The following POMP variants were observed in gnomAD, a reference collection of about 807,000 sequenced individuals.
POMP encodes proteasome maturation protein.
Under a neutral mutation model 20.6 loss-of-function variants are expected in POMP, and 12 were observed. That is an observed-to-expected ratio of 0.58 (90% confidence interval 0.37 to 0.94). The LOEUF (loss-of-function observed/expected upper bound fraction) is 0.94. POMP is among the 40% of genes least tolerant of loss of function. The pLI is 0.01. For missense variants in POMP, 136 were observed against 161.1 expected (o/e 0.84, Z 0.84); for synonymous variants, 53 against 55.0 (o/e 0.96, Z 0.16).
Position 28,678,367 on chromosome 13 carries a change from AAAT to A in POMP, c.*266_*268del. On this transcript the variant is annotated 3_prime_UTR_variant, in exon 6 of 6. Coordinates refer to ENST00000380842, the MANE Select transcript of POMP (RefSeq NM_015932.6). ...AAAGTTGTTGCTCATGAATATTATAAAATGATCTACAGGTTTCAATTCAACCTG... is the reference window on the plus strand; with the variant it reads ...AAAGTTGTTGCTCATGAATATTATAAGATCTACAGGTTTCAATTCAACCTG... 1 of 417,462 alleles carries A rather than the reference AAAT, an allele frequency of 2.4e-6. No individual in the cohort carries two copies. The highest frequency in any genetic ancestry group is 2.8e-5 in the South Asian group (1 of 36,102). The allele number at this position is 417,462 out of a possible 1,614,324, so 25.9% of individuals were successfully genotyped here. A position where few individuals can be genotyped will look rare whatever the true frequency, so the allele number is the denominator to read the frequency against.
chr13:28,663,747 A>G (rs1884390530), intron 2 of POMP, among the ~76,000 whole-genome samples: 1 of 152,234 alleles, frequency 6.6e-6, no homozygotes, highest in South Asian at 2.1e-4. Context: ...ATAATTTGAT[A>G]TTTATAATCA....
chr13:28,662,183 G>A (rs1593171536), intron 1 of POMP, among the ~76,000 whole-genome samples: 2 of 152,092 alleles, frequency 1.3e-5, no homozygotes, highest in East Asian at 3.9e-4. Flanking sequence ...ACAGCATTCA[G>A]AGATCACCTC....
intron 4 of POMP, among the ~76,000 whole-genome samples, chr13:28,669,925 G>A (rs560231003): frequency 6.6e-6 from 1 of 152,106 alleles, no homozygotes; most frequent in East Asian, 1.9e-4. Context: ...GGGCAACATG[G>A]CAAAACCCCA....
intron 4 of POMP, among the ~76,000 whole-genome samples, chr13:28,669,096 G>T (rs1884496983): frequency 6.6e-6 from 1 of 151,836 alleles, no homozygotes; most frequent in Non-Finnish European, 1.5e-5. Flanking sequence ...TTGAACCGCT[G>T]TTGTCTTTTA....
chr13:28,670,876 G>C (rs960887234), intron 4 of POMP, among the ~76,000 whole-genome samples: 1 of 151,968 alleles, frequency 6.6e-6, no homozygotes, highest in Non-Finnish European at 1.5e-5. Flanking sequence ...GTGAAACCCC[G>C]TCTCTACTAA....
rs770153653 is a variant in POMP, at chr13:28,662,500, C to T, written c.94C>T (p.Arg32Trp). The T allele has an allele frequency of 2.5e-6, 4 of 1,608,346 alleles. No homozygotes were observed. The highest frequency in any genetic ancestry group is 2.2e-5 in the East Asian group (1 of 44,828). The change falls in exon 2 of 6, where the codon CGG (arginine) becomes TGG (tryptophan). Residue 32 changes from arginine to tryptophan, a missense_variant. Transcript: ENST00000380842. Reference protein sequence around the residue: ...SGPFESHDLLRKGFSCVKNEL... With the variant: ...SGPFESHDLLWKGFSCVKNEL... ...ACCTTTTGAAAGTCATGATCTTCTTCGGAAAGGGTATATGGGGGAGTTATG... is the reference window on the plus strand; with the variant it reads ...ACCTTTTGAAAGTCATGATCTTCTTTGGAAAGGGTATATGGGGGAGTTATG...
At chr13:28,660,599 A>C (rs1884320517) in intron 1 of POMP, among the ~76,000 whole-genome samples, 1 of 152,184 alleles carries the variant, frequency 6.6e-6, no homozygotes, top group African/African-American at 2.4e-5. Flanking sequence ...TCCTGGTAGG[A>C]GTTCAGCTCC....
rs189587934 is a variant in POMP at position 28,668,598 on chromosome 13, A to G, written c.264+24A>G. 49 of 1,470,598 alleles carry G rather than the reference A, an allele frequency of 3.3e-5. No homozygotes were observed. The African/African-American group carries it at 6.3e-4, about 19-fold the overall frequency. 91.1% of individuals were successfully genotyped at this position (1,470,598 alleles called of 1,614,324 possible). A position where few individuals can be genotyped will look rare whatever the true frequency, so the allele number is the denominator to read the frequency against. ...AGGTGAGTTGATGGATCTCTGTTGC[A>G]TATGTGTCGATATCATTCATGAGGA... On this transcript the variant is annotated intron_variant, in intron 4 of 5. Transcript: ENST00000380842.
At chr13:28,669,723 G>A (rs1230947664) in intron 4 of POMP, among the ~76,000 whole-genome samples, 1 of 152,106 alleles carries the variant, frequency 6.6e-6, no homozygotes, top group African/African-American at 2.4e-5. Context: ...TGTTTTGCCT[G>A]TTTCCTAAAA....
chr13:28,661,338 C>T (rs189470752), intron 1 of POMP, among the ~76,000 whole-genome samples: 8 of 152,210 alleles, frequency 5.3e-5, no homozygotes, highest in African/African-American at 1.7e-4. Flanking sequence ...TGATGTTGCA[C>T]GCCTGTAGTC....
intron 5 of POMP, among the ~76,000 whole-genome samples, chr13:28,673,925 C>T (rs1470592296): frequency 6.6e-6 from 1 of 152,074 alleles, no homozygotes; most frequent in Non-Finnish European, 1.5e-5. Flanking sequence ...AACACATAAA[C>T]ACAAATATAC....
In POMP at chr13:28,675,969, T is replaced by C. The variant is rs12585175; in HGVS notation, c.359-2066T>C. Among the ~76,000 whole-genome samples the C allele has an allele frequency of 3.3e-4, 51 of 152,264 alleles. No individual in the cohort carries two copies. In the East Asian group the frequency reaches 9.7e-3, roughly 29 times the overall value. ...ACCATCCATGAAGTGTTCAACTCTG[T>C]GGTCCAGTTACCTCCCTACAGGGCC... On this transcript the variant is annotated intron_variant, in intron 5 of 5. Transcript: ENST00000380842.
At chr13:28,674,955 C>T (rs1206052419) in intron 5 of POMP, among the ~76,000 whole-genome samples, 1 of 152,016 alleles carries the variant, frequency 6.6e-6, no homozygotes, top group Non-Finnish European at 1.5e-5. Flanking sequence ...AGGAGGATCA[C>T]TTGAGCCCAG....
At chr13:28,670,601 A>T (rs1353138591) in intron 4 of POMP, among the ~76,000 whole-genome samples, 1 of 152,200 alleles carries the variant, frequency 6.6e-6, no homozygotes, top group Non-Finnish European at 1.5e-5. Flanking sequence ...TCTGTCCATG[A>T]ATTGGCTCCT....
At chr13:28,675,152 G>T (rs71425198) in intron 5 of POMP, among the ~76,000 whole-genome samples, 40,827 of 150,490 alleles carry the variant, frequency 0.27, 6,869 homozygotes, top group African/African-American at 0.46. Context: ...GATTTTTTTT[G>T]TTTTGGAGAC....
At chr13:28,671,550 G>A (rs923616658) in intron 4 of POMP, among the ~76,000 whole-genome samples, 7 of 149,458 alleles carry the variant, frequency 4.7e-5, no homozygotes, top group African/African-American at 1.7e-4. Flanking sequence ...TCTTAGGACT[G>A]TACTCTGATC....
intron 4 of POMP, among the ~76,000 whole-genome samples, chr13:28,671,081 T>A (rs1217239849): frequency 6.6e-6 from 1 of 152,144 alleles, no homozygotes; most frequent in Non-Finnish European, 1.5e-5. Flanking sequence ...ATTCTACTAA[T>A]ACTATCAATT....
intron 1 of POMP, among the ~76,000 whole-genome samples, chr13:28,660,488 G>T (rs1016668756): frequency 6.6e-6 from 1 of 152,236 alleles, no homozygotes; most frequent in African/African-American, 2.4e-5. Flanking sequence ...CTGATGTTTA[G>T]TAGGTTAGGT....
chr13:28,668,402 A>G (rs557858122), intron 3 of POMP, 71 bp from the exon 4 acceptor site: 3 of 1,029,366 alleles, frequency 2.9e-6, no homozygotes, highest in South Asian at 1.3e-5. Context: ...TGTGTTATAT[A>G]TATGCCACTG....
Sources: gnomAD v4.1 joint callset for allele counts (sites outside exome capture counted in the v4.1 genomes callset) on GRCh38, gnomAD v4.1.1 for gene constraint, MANE v1.5 for transcripts, NCBI Gene and HGNC (gene_info 2026-07-23, HGNC 2026-07-21) for gene names.